The following ZBTB7C variants were observed in gnomAD, a reference collection of about 807,000 sequenced individuals.
The protein encoded by ZBTB7C is zinc finger and BTB domain containing 7C, also known as zinc finger and BTB domain-containing protein 7C.
A neutral mutation model predicts 25.7 loss-of-function variants in ZBTB7C; 8 were observed. That is an observed-to-expected ratio of 0.31 (90% CI 0.18 to 0.56). The LOEUF is 0.56. Ranked by LOEUF, ZBTB7C falls within the 20% of genes least tolerant of loss-of-function variation. The pLI is 0.91. For missense variants in ZBTB7C, 824 were observed against 855.2 expected, an observed-to-expected ratio of 0.96 and a Z score of 0.46; for synonymous variants, 394 against 369.0, an observed-to-expected ratio of 1.07 and a Z score of -0.78.
At chr18:48,227,899 G>A (rs1282328037) in intron 2 of ZBTB7C, among the ~76,000 whole-genome samples, 2 of 152,146 alleles carry the variant, frequency 1.3e-5, no homozygotes, top group Admixed American at 6.5e-5. Context: ...GTGAAACATT[G>A]TTACAAGGGG....
At chr18:48,071,738 C>T (rs900793796) in intron 3 of ZBTB7C, among the ~76,000 whole-genome samples, 2 of 152,184 alleles carry the variant, frequency 1.3e-5, no homozygotes, top group African/African-American at 2.4e-5. Context: ...GGAAACAAAC[C>T]GAAGTCCATC....
At chr18:48,243,270 C>CAAAA (rs57410285) in intron 2 of ZBTB7C, among the ~76,000 whole-genome samples, 1,483 of 88,234 alleles carry the variant, frequency 0.017, 25 homozygotes, top group Non-Finnish European at 0.022. Context: ...TACCCCCCCA[C>CAAAA]AAAAAAAAAA....
chr18:48,286,145 C>A (rs533076574), intron 2 of ZBTB7C, among the ~76,000 whole-genome samples: 1 of 152,254 alleles, frequency 6.6e-6, no homozygotes, highest in East Asian at 1.9e-4. Context: ...CAATATCCTT[C>A]TCTTGGTTTG....
intron 1 of ZBTB7C, among the ~76,000 whole-genome samples, chr18:48,395,461 ATGTGTGTG>A (rs71165324): frequency 0.078 from 6,512 of 83,482 alleles, 216 homozygotes; most frequent in Middle Eastern, 0.13. Flanking sequence ...TTCTATTCAA[ATGTGTGTG>A]TGTGTGTGTG....
At chr18:48,094,969 G>A (rs2144575574) in intron 3 of ZBTB7C, among the ~76,000 whole-genome samples, 1 of 152,268 alleles carries the variant, frequency 6.6e-6, no homozygotes, top group South Asian at 2.1e-4. Context: ...GACAGTAATT[G>A]TGTTTTCAAC....
intron 3 of ZBTB7C, among the ~76,000 whole-genome samples, chr18:48,138,811 T>A (rs1484206191): frequency 6.6e-6 from 1 of 152,118 alleles, no homozygotes; most frequent in Non-Finnish European, 1.5e-5. Context: ...AACTCCACAC[T>A]CCACTCCCAG....
At chr18:48,100,662 A>G (rs2038796971) in intron 3 of ZBTB7C, among the ~76,000 whole-genome samples, 1 of 152,180 alleles carries the variant, frequency 6.6e-6, no homozygotes, top group East Asian at 1.9e-4. Context: ...AAAACATCAA[A>G]AACTGTTATC....
chr18:48,039,958 T>A lies in ZBTB7C; in HGVS notation c.1150A>T (p.Arg384Trp). 3 of 1,613,980 alleles carry A rather than the reference T, an allele frequency of 1.9e-6. No individual in the cohort carries two copies. Among genetic ancestry groups the A allele is most frequent in the Non-Finnish European group, 2.5e-6 (3 of 1,180,038 alleles). ...MGAGKLPRHM[R>W]THTGEKPYMC... ...TATGGCTTCTCCCCGGTATGGGTCC[T>A]CATGTGCCGCGGCAGCTTCCCGGCC... The change falls in exon 4 of 5, where the codon AGG becomes TGG. Residue 384 changes from arginine to tryptophan, a missense_variant. Physicochemically the swap from Arg to Trp is moderately radical, Grantham distance 101 (BLOSUM62 -3). Transcript: ENST00000590800.
At chr18:48,412,441 A>G (rs1046122166), upstream of ZBTB7C, among the ~76,000 whole-genome samples, 10 of 152,198 alleles carry the variant, frequency 6.6e-5, no homozygotes, top group African/African-American at 2.2e-4. Flanking sequence ...GAAAAATCTG[A>G]TATCAATAGT....
intron 2 of ZBTB7C, among the ~76,000 whole-genome samples, chr18:48,309,097 G>C (rs2045750025): frequency 6.6e-6 from 1 of 152,232 alleles, no homozygotes; most frequent in Non-Finnish European, 1.5e-5. Context: ...GGACTGCGGA[G>C]ATGAGGGAAA....
chr18:48,146,469 T>C (rs978887895), intron 3 of ZBTB7C, among the ~76,000 whole-genome samples: 1 of 152,022 alleles, frequency 6.6e-6, no homozygotes, highest in Non-Finnish European at 1.5e-5. Flanking sequence ...GTTAATAAAC[T>C]TTTTTTTGCC....
At chr18:48,336,059 G>A (rs191809430) in intron 2 of ZBTB7C, among the ~76,000 whole-genome samples, 217 of 152,148 alleles carry the variant, frequency 1.4e-3, no homozygotes, top group Non-Finnish European at 2.5e-3. Flanking sequence ...CCAAGCATTC[G>A]GAGAATGTCC....
chr18:48,209,027 C>A (rs2042642321), intron 2 of ZBTB7C, among the ~76,000 whole-genome samples: 1 of 152,216 alleles, frequency 6.6e-6, no homozygotes, highest in Non-Finnish European at 1.5e-5. Context: ...CTGGCAAAAA[C>A]AGCAGCTGTT....
At chr18:48,212,430 A>C in intron 2 of ZBTB7C, among the ~76,000 whole-genome samples, 1 of 152,208 alleles carries the variant, frequency 6.6e-6, no homozygotes, top group Non-Finnish European at 1.5e-5. Flanking sequence ...ATGTGTCCAA[A>C]CCTATAGAAT....
At chr18:48,049,403 C>G (rs1338343563) in intron 3 of ZBTB7C, among the ~76,000 whole-genome samples, 2 of 152,150 alleles carry the variant, frequency 1.3e-5, no homozygotes, top group African/African-American at 4.8e-5. Flanking sequence ...AAGTCCCATT[C>G]CCCCAGTGAG....
At chr18:48,067,087 G>A (rs754334225) in intron 3 of ZBTB7C, among the ~76,000 whole-genome samples, 13 of 151,888 alleles carry the variant, frequency 8.6e-5, no homozygotes, top group Non-Finnish European at 1.0e-4. Context: ...GGGTGACAGA[G>A]CAAGTCTCCA....
chr18:48,186,319 T>C (rs1386022736), intron 2 of ZBTB7C, among the ~76,000 whole-genome samples: 1 of 152,212 alleles, frequency 6.6e-6, no homozygotes. Context: ...TCCACTTCTG[T>C]AGCATGGGGT....
chr18:48,155,270 AT>A (rs1317276910), intron 3 of ZBTB7C, among the ~76,000 whole-genome samples: 1 of 150,396 alleles, frequency 6.6e-6, no homozygotes, highest in Non-Finnish European at 1.5e-5. Flanking sequence ...TCTGTCCCAG[AT>A]ACAAGAGGTA....
chr18:48,359,323 G>T (rs1396022991), intron 1 of ZBTB7C, among the ~76,000 whole-genome samples: 1 of 151,142 alleles, frequency 6.6e-6, no homozygotes, highest in Non-Finnish European at 1.5e-5. Flanking sequence ...TTCAGAGCAG[G>T]TCTAGAAAGA....
Sources: gnomAD v4.1 joint callset for allele counts (sites outside exome capture counted in the v4.1 genomes callset) on GRCh38, gnomAD v4.1.1 for gene constraint, MANE v1.5 for transcripts, NCBI Gene and HGNC (gene_info 2026-07-23, HGNC 2026-07-21) for gene names.